Variants in PTPRN2 observed in about 807,000 individuals in gnomAD.
PTPRN2 encodes the protein protein tyrosine phosphatase receptor type N2.
Under a neutral mutation model 118.8 loss-of-function variants are expected in PTPRN2, and 74 were observed. The observed-to-expected ratio is 0.62, with a 90% CI of 0.52 to 0.76. The LOEUF is 0.76. Among genes scored for constraint, PTPRN2 ranks in the 30% least tolerant of loss-of-function variants. PTPRN2 has a pLI of 0.00. For synonymous variants in PTPRN2, 641 were observed against 608.0 expected (o/e 1.05, Z -0.80); for missense variants, 1,481 against 1,394.4 (o/e 1.06, Z -0.99).
chr7:158,222,817 A>G (rs1828471744), intron 3 of PTPRN2, among the ~76,000 whole-genome samples: 1 of 152,238 alleles, frequency 6.6e-6, no homozygotes, highest in Non-Finnish European at 1.5e-5. Context: ...GTAGAAGAAA[A>G]TAAATAATAA....
intron 1 of PTPRN2, among the ~76,000 whole-genome samples, chr7:158,516,528 G>A (rs1823572599): frequency 6.6e-6 from 1 of 151,908 alleles, no homozygotes; most frequent in Non-Finnish European, 1.5e-5. Flanking sequence ...TGTTCTTGGT[G>A]CTGTTCTTGG....
chr7:157,989,739 T>C (rs1194125034), intron 11 of PTPRN2, among the ~76,000 whole-genome samples: 1 of 152,050 alleles, frequency 6.6e-6, no homozygotes, highest in Non-Finnish European at 1.5e-5. Flanking sequence ...GACACATCCT[T>C]GTCATGTCCA....
rs746914497 is a variant in PTPRN2, at chr7:157,682,808, G to A, written c.1918C>T (p.Arg640Cys). 1.2e-5 allele frequency: 20 copies of A among 1,613,976 alleles called. No individual in the cohort carries two copies. Among genetic ancestry groups the A allele is most frequent in the South Asian group, 2.2e-5 (2 of 91,090 alleles). ...TTCAGCCTGTGCTGAGAGCTATGGCGGAGGCAGTAGATGAGGCCAGAGGCC... is the reference window on the plus strand; with the variant it reads ...TTCAGCCTGTGCTGAGAGCTATGGCAGAGGCAGTAGATGAGGCCAGAGGCC... Reference protein sequence around the residue: ...LLASGLIYCLRHSSQHRLKEK... With the variant: ...LLASGLIYCLCHSSQHRLKEK... The change falls in exon 13 of 23, where the codon CGC (arginine) becomes TGC (cysteine). Residue 640 changes from arginine to cysteine, a missense_variant. By Grantham distance (180) the Arg-to-Cys change is radical. Coordinates refer to ENST00000389418, the MANE Select transcript of PTPRN2 (RefSeq NM_002847.5).
intron 5 of PTPRN2, among the ~76,000 whole-genome samples, chr7:158,171,348 T>TATATAC (rs1554571717): frequency 0.055 from 4,884 of 89,496 alleles, 614 homozygotes; most frequent in Non-Finnish European, 0.07. Context: ...TATATATATA[T>TATATAC]ACACACACAC....
rs191393349 is a variant in PTPRN2, at chr7:158,392,235, C to T, written c.164-75303G>A. On this transcript the variant is annotated intron_variant, in intron 2 of 22. Transcript: ENST00000389418. ...ATGTGGCCATGCAGGTCAAACTCCC[C>T]GAGGAGGAGAGGGGCTGGGTCAGGG... Among the ~76,000 whole-genome samples, 225 of 152,200 alleles carry T rather than the reference C, an allele frequency of 1.5e-3. 2 individuals are homozygous for T. The highest frequency in any genetic ancestry group is 5.2e-3 in the African/African-American group (217 of 41,530).
chr7:157,729,084 T>G lies in PTPRN2; in HGVS notation c.1789-46147A>C, dbSNP rs2150934608. ...GCTGATACCGGGCCTTTGAAAATAG[T>G]CGGGGAGGAAAACAGAAAAGATGCA... On this transcript the variant is annotated intron_variant, in intron 12 of 22. Coordinates refer to ENST00000389418, the MANE Select transcript of PTPRN2 (RefSeq NM_002847.5). This position sits in a 1 kb window ranked among gnomAD's most constrained non-coding sequence, Gnocchi z 4.3. 6.6e-6 allele frequency among the ~76,000 whole-genome samples: 1 copy of G among 151,604 alleles called. No individual in the cohort carries two copies. Among genetic ancestry groups the G allele is most frequent in the South Asian group, 2.1e-4 (1 of 4,776 alleles).
chr7:158,230,639 T>G (rs988602602), intron 3 of PTPRN2, among the ~76,000 whole-genome samples: 2 of 151,828 alleles, frequency 1.3e-5, no homozygotes, highest in Admixed American at 6.6e-5. Flanking sequence ...ATAAGTCTCA[T>G]GGCAACTACA....
intron 14 of PTPRN2, among the ~76,000 whole-genome samples, chr7:157,641,866 A>C (rs1440071450): frequency 2.0e-5 from 3 of 152,118 alleles, no homozygotes; most frequent in African/African-American, 4.8e-5. Flanking sequence ...GGACGCACAA[A>C]GCTACCTGAC....
chr7:158,040,736 C>CTTTTTTTTTTTTTTTTTTTTTTTTT (rs58192875), intron 11 of PTPRN2, among the ~76,000 whole-genome samples: 1 of 142,206 alleles, frequency 7.0e-6, no homozygotes, highest in African/African-American at 2.6e-5. Context: ...TTTTTTCTTT[C>CTTTTTTTTTTTTTTTTTTTTTTTTT]TTTTTTTTTT....
At chr7:158,180,189 C>A (rs1219886357) in intron 5 of PTPRN2, among the ~76,000 whole-genome samples, 1 of 152,254 alleles carries the variant, frequency 6.6e-6, no homozygotes, top group African/African-American at 2.4e-5. Flanking sequence ...CATTCTTCTA[C>A]ATGTGGCTAT....
intron 12 of PTPRN2, among the ~76,000 whole-genome samples, chr7:157,697,528 T>C (rs1797854061): frequency 2.2e-5 from 3 of 136,042 alleles, no homozygotes; most frequent in South Asian, 2.6e-4. Flanking sequence ...TACCCATGCA[T>C]ACTGGATCTT....
intron 10 of PTPRN2, among the ~76,000 whole-genome samples, chr7:158,092,234 A>G (rs1056203191): frequency 3.3e-5 from 5 of 150,384 alleles, no homozygotes; most frequent in African/African-American, 1.2e-4. Context: ...ATATATGTAT[A>G]TATATGCATA....
At chr7:158,217,990 G>A (rs1337245587) in intron 3 of PTPRN2, among the ~76,000 whole-genome samples, 1 of 152,136 alleles carries the variant, frequency 6.6e-6, no homozygotes, top group Non-Finnish European at 1.5e-5. Context: ...GAAAGAGAAG[G>A]AGAGAGAGTA....
At chr7:157,900,899 T>C (rs906150301) in intron 11 of PTPRN2, among the ~76,000 whole-genome samples, 1 of 152,118 alleles carries the variant, frequency 6.6e-6, no homozygotes, top group Non-Finnish European at 1.5e-5. Flanking sequence ...TGGGGAGAGA[T>C]ACTGTCTTAG....
In PTPRN2 at chr7:157,903,251, CGTAAGAGGGAAT is replaced by C. The variant is rs1408941937; in HGVS notation, c.1724-4526_1724-4515del. On this transcript the variant is annotated intron_variant, in intron 11 of 22. Coordinates refer to ENST00000389418, the MANE Select transcript of PTPRN2 (RefSeq NM_002847.5). This position sits in a 1 kb window ranked among gnomAD's most constrained non-coding sequence, Gnocchi z 4.2. The stretch of plus-strand genomic sequence containing the variant: ...GCCATAGAGATGGGAACAACAGACA[CGTAAGAGGGAAT>C]GTGAGAGGGAATGTGAGAGGGAGGT... 6.6e-6 allele frequency among the ~76,000 whole-genome samples: 1 copy of C among 151,864 alleles called. No individual in the cohort carries two copies. The highest frequency in any genetic ancestry group is 2.1e-4 in the South Asian group (1 of 4,792).
At chr7:157,747,834 T>TC (rs1801092704) in intron 12 of PTPRN2, among the ~76,000 whole-genome samples, 1 of 23,312 alleles carries the variant, frequency 4.3e-5, no homozygotes. Context: ...TCCCTGAGCT[T>TC]TGGGCTGTCC....
chr7:158,208,728 ATAGTAAG>A (rs950481602), intron 3 of PTPRN2, among the ~76,000 whole-genome samples: 60 of 152,318 alleles, frequency 3.9e-4, no homozygotes, highest in African/African-American at 1.4e-3. Flanking sequence ...CTCACTGGTA[ATAGTAAG>A]TACACAGAAA....
chr7:157,561,581 C>A (rs113143672), intron 21 of PTPRN2, among the ~76,000 whole-genome samples: 54 of 152,364 alleles, frequency 3.5e-4, no homozygotes, highest in African/African-American at 1.3e-3. Flanking sequence ...TCTGGCTGAC[C>A]GGAGGCCTTG....
intron 3 of PTPRN2, among the ~76,000 whole-genome samples, chr7:158,265,556 T>G (rs1797816222): frequency 6.6e-6 from 1 of 152,162 alleles, no homozygotes; most frequent in African/African-American, 2.4e-5. Context: ...CTTGCCAGGC[T>G]GCCCTCTGCA....
Sources: allele counts gnomAD v4.1 joint callset (sites outside exome capture counted in the v4.1 genomes callset), GRCh38; gene constraint gnomAD v4.1.1; non-coding constraint Gnocchi (gnomAD v3.1); transcripts MANE v1.5; gene names NCBI Gene and HGNC (gene_info 2026-07-23, HGNC 2026-07-21).